FAM193A: variants seen among roughly 807,000 people sequenced by gnomAD.
FAM193A encodes family with sequence similarity 193 member A.
In FAM193A, 22 loss-of-function variants were observed where a neutral mutation model predicts 126.5. The ratio of observed to expected loss-of-function variants is 0.17; its 90% CI spans 0.12 to 0.25. The LOEUF (loss-of-function observed/expected upper bound fraction) is 0.25, where lower values mean the gene tolerates loss of function less well. Ranked by LOEUF, FAM193A falls within the 10% of genes least tolerant of loss-of-function variation. The pLI is 1.00. For synonymous variants in FAM193A, 761 were observed against 646.8 expected (o/e 1.18, Z -2.68); for missense variants, 1,675 against 1,672.8 (o/e 1.00, Z -0.02).
chr4:2,546,716 G>C (rs1275196709), intron 1 of FAM193A, among the ~76,000 whole-genome samples: 1 of 152,132 alleles, frequency 6.6e-6, no homozygotes, highest in Non-Finnish European at 1.5e-5. Flanking sequence ...ATTATAAATA[G>C]AGTTGCCATA....
chr4:2,615,491 T>C (rs1290328632), intron 2 of FAM193A, among the ~76,000 whole-genome samples: 1 of 152,144 alleles, frequency 6.6e-6, no homozygotes, highest in Non-Finnish European at 1.5e-5. Context: ...GACCCATGTT[T>C]TGTTCAGAAG....
At chr4:2,682,361 G>T (rs1218723280) in intron 13 of FAM193A, among the ~76,000 whole-genome samples, 1 of 152,020 alleles carries the variant, frequency 6.6e-6, no homozygotes, top group African/African-American at 2.4e-5. Flanking sequence ...ATGGACTCTT[G>T]CTATGTTACC....
intron 1 of FAM193A, among the ~76,000 whole-genome samples, chr4:2,541,899 C>A (rs571926630): frequency 2.0e-5 from 3 of 151,920 alleles, no homozygotes; most frequent in African/African-American, 7.3e-5. Context: ...GGCGCCATCT[C>A]GGCTCACTGC....
At chr4:2,660,174 C>G (rs1190380793) in intron 10 of FAM193A, 120 bp downstream of exon 10, 1 of 1,110,170 alleles carries the variant, frequency 9.0e-7, no homozygotes, top group Non-Finnish European at 1.3e-6. Flanking sequence ...GACAAGGGAC[C>G]CTGAGGTTTT....
chr4:2,605,281 G>A (rs1370483675), intron 2 of FAM193A, among the ~76,000 whole-genome samples: 2 of 152,096 alleles, frequency 1.3e-5, no homozygotes, highest in African/African-American at 2.4e-5. Flanking sequence ...CACACTTGCC[G>A]GCTGCTCCTA....
intron 1 of FAM193A, among the ~76,000 whole-genome samples, chr4:2,577,422 G>GTTCTTTTTTTTTT (rs1739656433): frequency 8.7e-6 from 1 of 115,542 alleles, no homozygotes; most frequent in Non-Finnish European, 1.7e-5. Flanking sequence ...TTTTTTTTTT[G>GTTCTTTTTTTTTT]TTTTTTTTTT....
intron 5 of FAM193A, among the ~76,000 whole-genome samples, chr4:2,633,576 G>A (rs970645638): frequency 1.3e-5 from 2 of 151,636 alleles, no homozygotes; most frequent in Non-Finnish European, 2.9e-5. Context: ...TCCTCCAAGG[G>A]AAACAACTGA....
At chr4:2,567,304 A>G (rs945266914) in intron 1 of FAM193A, among the ~76,000 whole-genome samples, 1 of 152,092 alleles carries the variant, frequency 6.6e-6, no homozygotes, top group Non-Finnish European at 1.5e-5. Context: ...TGCATAATTG[A>G]TTGATGAGAT....
chr4:2,578,911 C>G (rs1739761068), intron 1 of FAM193A, among the ~76,000 whole-genome samples: 1 of 151,836 alleles, frequency 6.6e-6, no homozygotes, highest in Non-Finnish European at 1.5e-5. Flanking sequence ...AGAGGTTGGT[C>G]TTGCTGTTTC....
chr4:2,621,345 C>T (rs1742533980), intron 2 of FAM193A, among the ~76,000 whole-genome samples: 1 of 152,106 alleles, frequency 6.6e-6, no homozygotes. Flanking sequence ...ACTCAACCAG[C>T]CTCCCTCAGT....
intron 19 of FAM193A, among the ~76,000 whole-genome samples, chr4:2,706,840 T>C (rs1718366059): frequency 6.6e-6 from 1 of 151,656 alleles, no homozygotes; most frequent in Non-Finnish European, 1.5e-5. Context: ...TAAAAAAAGC[T>C]TGTTGGGGCC....
chr4:2,728,771 TCTC>T (rs374014673), intron 20 of FAM193A, among the ~76,000 whole-genome samples: 416 of 152,236 alleles, frequency 2.7e-3, no homozygotes, highest in African/African-American at 7.8e-3. Flanking sequence ...TGTTTAGCCT[TCTC>T]CTAAGCTAAA....
At chr4:2,537,423 C>A (rs1284241054) in intron 1 of FAM193A, among the ~76,000 whole-genome samples, 1 of 152,120 alleles carries the variant, frequency 6.6e-6, no homozygotes, top group Non-Finnish European at 1.5e-5. Context: ...GGGAGGGCTA[C>A]ACCGGGGCCG....
Position 2,623,752 on chromosome 4 carries a change from G to T in FAM193A, c.502-1510G>T, listed in dbSNP as rs188081696. On this transcript the variant is annotated intron_variant, in intron 2 of 20. Transcript: ENST00000637812. ...TGTCTCAGTGGCTTCATGCTTGACT[G>T]GGGGAGGGGTTGGTGAGGAGAGCAC... Among the ~76,000 whole-genome samples the T allele has an allele frequency of 5.5e-3, 840 of 152,338 alleles. 10 individuals are homozygous for T. Among genetic ancestry groups the T allele is most frequent in the African/African-American group, 0.019 (796 of 41,570 alleles).
intron 2 of FAM193A, among the ~76,000 whole-genome samples, chr4:2,613,729 C>G (rs1179552451): frequency 2.7e-5 from 4 of 150,120 alleles, no homozygotes; most frequent in Non-Finnish European, 5.9e-5. Context: ...GCTGGGATTA[C>G]AGGCATGAGC....
At chr4:2,581,380 A>G (rs1277848624) in intron 1 of FAM193A, among the ~76,000 whole-genome samples, 4 of 150,612 alleles carry the variant, frequency 2.7e-5, no homozygotes, top group South Asian at 2.1e-4. Context: ...CAGCCTCCCG[A>G]GTAGCTGGGA....
chr4:2,639,221 C>T (rs1461886095), intron 5 of FAM193A, among the ~76,000 whole-genome samples: 1 of 152,050 alleles, frequency 6.6e-6, no homozygotes, highest in African/African-American at 2.4e-5. Flanking sequence ...ACAAGTTTGC[C>T]TACATTTATT....
At chr4:2,577,936 T>C (rs1045505732) in intron 1 of FAM193A, among the ~76,000 whole-genome samples, 1 of 152,244 alleles carries the variant, frequency 6.6e-6, no homozygotes, top group Non-Finnish European at 1.5e-5. Context: ...TTTTTCTGAA[T>C]CTGTTCATTC....
chr4:2,551,899 GGCTTGATCATA>G (rs1737943083), intron 1 of FAM193A, among the ~76,000 whole-genome samples: 1 of 151,354 alleles, frequency 6.6e-6, no homozygotes, highest in Non-Finnish European at 1.5e-5. Context: ...GGAGTGCTGT[GGCTTGATCATA>G]GCTCACTGTA....
Sources: allele counts gnomAD v4.1 joint callset (sites outside exome capture counted in the v4.1 genomes callset), GRCh38; gene constraint gnomAD v4.1.1; transcripts MANE v1.5; gene names NCBI Gene and HGNC (gene_info 2026-07-23, HGNC 2026-07-21).